The following ANO3 variants were observed in gnomAD, a reference collection of about 807,000 sequenced individuals.
The protein encoded by ANO3 is anoctamin 3.
ANO3 carries 99 observed loss-of-function variants against 144.8 expected under a neutral mutation model. That is an observed-to-expected ratio of 0.68 (90% CI 0.58 to 0.81). The LOEUF is 0.81. Ranked by LOEUF, ANO3 falls within the 30% of genes least tolerant of loss-of-function variation. The pLI, the probability that ANO3 is intolerant of heterozygous loss-of-function variation, is 0.00. For synonymous variants in ANO3, 414 were observed against 392.6 expected (o/e 1.05, Z -0.64); for missense variants, 905 against 1,202.2 (o/e 0.75, Z 3.66).
chr11:26,344,020 A>C (rs1388772871), intron 1 of ANO3, among the ~76,000 whole-genome samples: 2 of 152,220 alleles, frequency 1.3e-5, no homozygotes, highest in Non-Finnish European at 2.9e-5. Flanking sequence ...ATTTTTAAAA[A>C]ATCATAACGT....
chr11:26,276,553 T>G (rs1446015881), intron 1 of ANO3, among the ~76,000 whole-genome samples: 1 of 152,136 alleles, frequency 6.6e-6, no homozygotes, highest in African/African-American at 2.4e-5. Context: ...ACAAATAAAC[T>G]TCCATAAAAT....
chr11:26,355,163 C>T (rs61481061), intron 1 of ANO3, among the ~76,000 whole-genome samples: 4,838 of 152,078 alleles, frequency 0.032, 228 homozygotes, highest in African/African-American at 0.1. Context: ...TTCTTGATCC[C>T]GTGTCTTTCA....
intron 11 of ANO3, among the ~76,000 whole-genome samples, chr11:26,546,292 T>C (rs2663166): frequency 0.66 from 99,781 of 151,564 alleles, 33,118 homozygotes; most frequent in East Asian, 0.83. Context: ...ATAAATAAAA[T>C]GAAAAAATTG....
chr11:26,563,108 G>A (rs761242540), intron 14 of ANO3: 104 of 1,610,796 alleles, frequency 6.5e-5, no homozygotes, highest in Non-Finnish European at 8.5e-5. Flanking sequence ...ATTGAAAATA[G>A]ATTTTACCTG....
At chr11:26,367,017 T>C (rs1336266178) in intron 1 of ANO3, among the ~76,000 whole-genome samples, 1 of 152,206 alleles carries the variant, frequency 6.6e-6, no homozygotes, top group Non-Finnish European at 1.5e-5. Flanking sequence ...AAGGATTCTC[T>C]ATTTAACAAA....
intron 4 of ANO3, among the ~76,000 whole-genome samples, chr11:26,469,036 A>G (rs1859690038): frequency 6.6e-6 from 1 of 151,882 alleles, no homozygotes; most frequent in African/African-American, 2.4e-5. Flanking sequence ...TAACATTAAG[A>G]AGTCTCCTTT....
chr11:26,633,488 C>T (rs7942183), intron 18 of ANO3, among the ~76,000 whole-genome samples: 21,416 of 152,128 alleles, frequency 0.14, 1,836 homozygotes, highest in African/African-American at 0.24. Context: ...ATTCCACTTC[C>T]GTCTGTACAC....
intron 1 of ANO3, among the ~76,000 whole-genome samples, chr11:26,322,785 T>C (rs1247294240): frequency 6.6e-6 from 1 of 152,140 alleles, no homozygotes; most frequent in African/African-American, 2.4e-5. Flanking sequence ...CCCTTTCCCA[T>C]ACTGTACTCA....
intron 14 of ANO3, among the ~76,000 whole-genome samples, chr11:26,593,517 C>A (rs2132902855): frequency 6.6e-6 from 1 of 152,176 alleles, no homozygotes; most frequent in Non-Finnish European, 1.5e-5. Flanking sequence ...AAACTCCTGG[C>A]CCTCAATGGT....
chr11:26,562,977 G>C (rs1420480827), intron 14 of ANO3: 1 of 1,201,250 alleles, frequency 8.3e-7, no homozygotes, highest in Non-Finnish European at 1.1e-6. Flanking sequence ...ATAAACAGAA[G>C]GTGGATCAGA....
At chr11:26,656,509 C>A in intron 26 of ANO3, 28 bp downstream of exon 26, 1 of 1,363,660 alleles carries the variant, frequency 7.3e-7, no homozygotes. Context: ...ATGAAAATTA[C>A]TATAGATAAA....
intron 1 of ANO3, among the ~76,000 whole-genome samples, chr11:26,316,740 C>T (rs920873996): frequency 6.6e-6 from 1 of 152,136 alleles, no homozygotes; most frequent in African/African-American, 2.4e-5. Flanking sequence ...CCACAAGGGT[C>T]GCATTCCATC....
intron 14 of ANO3, among the ~76,000 whole-genome samples, chr11:26,594,558 G>A (rs1009048968): frequency 1.3e-5 from 2 of 152,026 alleles, no homozygotes; most frequent in African/African-American, 4.8e-5. Context: ...ACTCTGACTG[G>A]GCCAAATTCT....
chr11:26,413,274 T>G (rs902812292), intron 1 of ANO3, among the ~76,000 whole-genome samples: 10 of 152,032 alleles, frequency 6.6e-5, no homozygotes, highest in Admixed American at 2.6e-4. Flanking sequence ...CCTGAATGCT[T>G]TTCATATAGG....
chr11:26,426,249 T>C (rs1304378279), intron 1 of ANO3, among the ~76,000 whole-genome samples: 1 of 152,106 alleles, frequency 6.6e-6, no homozygotes, highest in Admixed American at 6.6e-5. Flanking sequence ...GAAAATGAAA[T>C]TTAAGACAAT....
At position 26,457,761 on chromosome 11, in the gene ANO3, T is replaced by C. The variant is rs1859224060; in HGVS notation, c.314-5269T>C. Among the ~76,000 whole-genome samples, 3 of 152,150 alleles carry C rather than the reference T, an allele frequency of 2.0e-5. No homozygotes were observed. The South Asian group carries it at 6.2e-4, about 32-fold the overall frequency. The stretch of plus-strand genomic sequence containing the variant: ...TTCTTCAACATATGAAGTGATTTTA[T>C]TGAGCTTTGAGACTGCATTTTTATG... On this transcript the variant is annotated intron_variant, in intron 3 of 26. Coordinates refer to ENST00000256737, the MANE Select transcript of ANO3 (RefSeq NM_031418.4).
At chr11:26,608,125 CT>C (rs1436453250) in intron 17 of ANO3, among the ~76,000 whole-genome samples, 1 of 152,126 alleles carries the variant, frequency 6.6e-6, no homozygotes, top group Non-Finnish European at 1.5e-5. Context: ...TTTGTAGGGA[CT>C]TTTTTGTTGT....
chr11:26,628,550 A>G (rs934051531), intron 18 of ANO3, among the ~76,000 whole-genome samples: 2 of 152,206 alleles, frequency 1.3e-5, no homozygotes, highest in African/African-American at 2.4e-5. Flanking sequence ...ACAATGTGCT[A>G]TATTTGTGAA....
chr11:26,267,654 T>G (rs1190006635), intron 1 of ANO3, among the ~76,000 whole-genome samples: 2 of 152,230 alleles, frequency 1.3e-5, no homozygotes, highest in Non-Finnish European at 2.9e-5. Flanking sequence ...CTTTTAAAAG[T>G]AGAGACTTAA....
Sources: gnomAD v4.1 joint callset for allele counts (sites outside exome capture counted in the v4.1 genomes callset) on GRCh38, gnomAD v4.1.1 for gene constraint, MANE v1.5 for transcripts, NCBI Gene and HGNC (gene_info 2026-07-23, HGNC 2026-07-21) for gene names.